Variants in MAMDC2 observed in about 807,000 individuals in gnomAD.
MAMDC2 encodes the protein MAM domain containing 2.
MAMDC2 carries 57 observed loss-of-function variants against 89.8 expected under a neutral mutation model. That is an observed-to-expected ratio of 0.63 (90% confidence interval 0.51 to 0.79). The LOEUF is 0.79. Ranked by LOEUF, MAMDC2 falls within the 30% of genes least tolerant of loss-of-function variation. The probability of loss-of-function intolerance (pLI) is 0.00; values close to 1 mark genes in which losing one functional copy is unlikely to be tolerated. For missense variants in MAMDC2, 800 were observed against 820.6 expected (o/e 0.97, Z 0.31); for synonymous variants, 313 against 293.4 (o/e 1.07, Z -0.68).
At chr9:70,119,541 T>C (rs1037358541) in intron 5 of MAMDC2, among the ~76,000 whole-genome samples, 1 of 152,212 alleles carries the variant, frequency 6.6e-6, no homozygotes, top group African/African-American at 2.4e-5. Flanking sequence ...GTCTGCTGGA[T>C]TTCCTTTCTC....
At chr9:70,099,980 AAGAGAGAGAGAGAGAGAG>A (rs60292765) in intron 2 of MAMDC2, among the ~76,000 whole-genome samples, 15 of 115,560 alleles carry the variant, frequency 1.3e-4, no homozygotes, top group South Asian at 6.5e-4. Context: ...GCCAAAAAGA[AAGAGAGAGAGAGAGAGAG>A]AGAGAGAGAG....
chr9:70,143,454 G>T, intron 8 of MAMDC2, 100 bp from the exon 9 acceptor site: 2 of 1,316,074 alleles, frequency 1.5e-6, no homozygotes, highest in South Asian at 1.4e-5. Context: ...AAGCATAGCT[G>T]ATAGTCTTTG....
Position 70,218,556 on chromosome 9 carries a change from T to G in MAMDC2, c.1871T>G (p.Leu624Arg), listed in dbSNP as rs749125382. Residue 624 changes from leucine (L) to arginine (R), a missense_variant, in exon 12 of 14, where the codon CTA (leucine) becomes CGA (arginine). Physicochemically the swap from Leu to Arg is moderately radical, Grantham distance 102 (BLOSUM62 -2). Transcript: ENST00000377182. The part of the protein sequence containing the change: ...RRRGEQSISW[L>R]RALIEYSCER... The stretch of plus-strand genomic sequence containing the variant: ...AGAGGTGAACAGAGCATTTCCTGGC[T>G]ACGAGCACTGATTGAATACAGCTGT... 2 of 1,613,984 alleles carry G rather than the reference T, an allele frequency of 1.2e-6. No homozygotes were observed. The highest frequency in any genetic ancestry group is 1.7e-6 in the Non-Finnish European group (2 of 1,179,916).
At chr9:70,186,077 T>C (rs2032749176) in intron 11 of MAMDC2, among the ~76,000 whole-genome samples, 1 of 152,226 alleles carries the variant, frequency 6.6e-6, no homozygotes, top group Non-Finnish European at 1.5e-5. Flanking sequence ...TTTTTTTCTT[T>C]AGCTCACAAC....
In MAMDC2 at chr9:70,184,954, C is replaced by G. The variant is rs147682564; in HGVS notation, c.1651+14323C>G. ...GAGTTCTGATCATTTAGAGAAGAAGCAGCATTGTGATTTTTGGAATTTTCA... is the reference window on the plus strand; with the variant it reads ...GAGTTCTGATCATTTAGAGAAGAAGGAGCATTGTGATTTTTGGAATTTTCA... On this transcript the variant is annotated intron_variant, in intron 11 of 13. Coordinates refer to ENST00000377182, the MANE Select transcript of MAMDC2 (RefSeq NM_153267.5). Among the ~76,000 whole-genome samples the G allele has an allele frequency of 4.0e-3, 602 of 152,180 alleles. 3 individuals carry two copies. Among genetic ancestry groups the G allele is most frequent in the African/African-American group, 0.013 (554 of 41,544 alleles).
At chr9:70,168,479 G>A (rs927077298) in intron 9 of MAMDC2, 7 of 438,364 alleles carry the variant, frequency 1.6e-5, no homozygotes, top group Non-Finnish European at 2.5e-5. Flanking sequence ...GCGACAGAGC[G>A]AGACTCCATC....
rs1554665151 is a variant in MAMDC2, at chr9:70,051,888, G to GAT, written c.148+7192_148+7193insTA. Among the ~76,000 whole-genome samples, 59 of 148,912 alleles carry GAT rather than the reference G, an allele frequency of 4.0e-4. No individual in the cohort carries two copies. In the East Asian group the frequency reaches 6.3e-3, roughly 16 times the overall value. On this transcript the variant is annotated intron_variant, in intron 2 of 13. Transcript: ENST00000377182. ...ATCTATTTACCTATCTAGATAGATA[G>GAT]AGATAGATAGATAGATAGATAGATA...
intron 9 of MAMDC2, among the ~76,000 whole-genome samples, chr9:70,161,208 G>A (rs11141917): frequency 0.86 from 130,321 of 152,120 alleles, 56,067 homozygotes; most frequent in East Asian, 0.96. Flanking sequence ...GAGTTGAGAG[G>A]TTTGGATGTT....
chr9:70,044,371 T>A, intron 1 of MAMDC2, 140 bp downstream of exon 1: 4 of 978,694 alleles, frequency 4.1e-6, no homozygotes, highest in South Asian at 1.6e-5. Flanking sequence ...GCTAACTCCC[T>A]CCCCTGGCCA....
chr9:70,096,489 GC>G (rs1254564165), intron 2 of MAMDC2, among the ~76,000 whole-genome samples: 3 of 152,070 alleles, frequency 2.0e-5, no homozygotes, highest in Non-Finnish European at 4.4e-5. Flanking sequence ...AGCTGAGTCA[GC>G]CCCCCCTTTG....
intron 2 of MAMDC2, chr9:70,090,463 G>GACAGAGCA (rs1587460930): frequency 7.4e-6 from 1 of 135,376 alleles, no homozygotes; most frequent in Non-Finnish European, 1.5e-5. Flanking sequence ...CAGCCTGGGT[G>GACAGAGCA]ACAGAGCAAG....
intron 11 of MAMDC2, among the ~76,000 whole-genome samples, chr9:70,201,908 A>G (rs1395059152): frequency 1.4e-5 from 2 of 139,980 alleles, no homozygotes; most frequent in Admixed American, 7.2e-5. Flanking sequence ...TATCCCCTTT[A>G]TCATTTTTTA....
At chr9:70,123,038 C>T (rs1404909533) in intron 5 of MAMDC2, among the ~76,000 whole-genome samples, 1 of 152,120 alleles carries the variant, frequency 6.6e-6, no homozygotes, top group Non-Finnish European at 1.5e-5. Flanking sequence ...AATGATGGTT[C>T]CTTCAGCAAG....
chr9:70,142,684 A>G (rs1227954632), intron 8 of MAMDC2, among the ~76,000 whole-genome samples: 1 of 152,060 alleles, frequency 6.6e-6, no homozygotes, highest in African/African-American at 2.4e-5. Context: ...CTGTGTCCTC[A>G]TATGTCCTCT....
At chr9:70,193,108 T>C (rs2032916161) in intron 11 of MAMDC2, among the ~76,000 whole-genome samples, 1 of 152,054 alleles carries the variant, frequency 6.6e-6, no homozygotes, top group Non-Finnish European at 1.5e-5. Flanking sequence ...GGAGAAGGTT[T>C]AGGAGCCTGA....
intron 2 of MAMDC2, chr9:70,088,900 T>C (rs1048892339): frequency 3.9e-5 from 6 of 152,092 alleles, no homozygotes; most frequent in Admixed American, 2.6e-4. Flanking sequence ...ATTACAATGA[T>C]TTGACAGACG....
intron 11 of MAMDC2, among the ~76,000 whole-genome samples, chr9:70,215,739 T>A (rs1173918937): frequency 2.6e-5 from 4 of 152,216 alleles, no homozygotes; most frequent in Non-Finnish European, 1.5e-5. Flanking sequence ...GCAGCGTCAT[T>A]CCTTATATGT....
chr9:70,166,393 A>C (rs2032180729), intron 9 of MAMDC2, among the ~76,000 whole-genome samples: 1 of 151,924 alleles, frequency 6.6e-6, no homozygotes, highest in Non-Finnish European at 1.5e-5. Context: ...AATTCTGTTT[A>C]ATGCCCATAA....
intron 10 of MAMDC2, among the ~76,000 whole-genome samples, 180 bp downstream of exon 10, chr9:70,168,975 T>C (rs1437843477): frequency 6.6e-6 from 1 of 152,238 alleles, no homozygotes; most frequent in Non-Finnish European, 1.5e-5. Context: ...CAGTGTAATA[T>C]GTGTCTTTGT....
Sources: gnomAD v4.1 joint callset for allele counts (sites outside exome capture counted in the v4.1 genomes callset) on GRCh38, gnomAD v4.1.1 for gene constraint, MANE v1.5 for transcripts, NCBI Gene and HGNC (gene_info 2026-07-23, HGNC 2026-07-21) for gene names.